ZC3H14: variants seen among roughly 807,000 people sequenced by gnomAD.
ZC3H14 encodes the protein zinc finger CCCH-type containing 14.
ZC3H14 carries 31 observed loss-of-function variants against 92.4 expected under a neutral mutation model. That is an observed-to-expected ratio of 0.34 (90% CI 0.25 to 0.45). The LOEUF is 0.45. Ranked by LOEUF, ZC3H14 falls within the 20% of genes least tolerant of loss-of-function variation. ZC3H14 has a pLI of 1.00. For missense variants in ZC3H14, 781 were observed against 897.3 expected (o/e 0.87, Z 1.66); for synonymous variants, 321 against 300.9 (o/e 1.07, Z -0.69).
At chr14:88,595,141 G>A (rs1274091140) in intron 9 of ZC3H14, 1 of 1,601,300 alleles carries the variant, frequency 6.2e-7, no homozygotes, top group Non-Finnish European at 8.5e-7. Context: ...TATGTTCTAG[G>A]TACCCATCCT....
At position 88,616,440 on chromosome 14, in the gene ZC3H14, T is replaced by C; in HGVS notation, c.*4689T>C. The C allele has an allele frequency of 1.6e-6, 1 of 620,178 alleles. No individual in the cohort carries two copies. Among genetic ancestry groups the C allele is most frequent in the Non-Finnish European group, 2.8e-6 (1 of 357,740 alleles). The allele number at this position is 620,178 out of a possible 1,614,324, so 38.4% of individuals were successfully genotyped here. A position where few individuals can be genotyped will look rare whatever the true frequency, so the allele number is the denominator to read the frequency against. The stretch of plus-strand genomic sequence containing the variant: ...GTGTGGGCAGTCAGATGTCTCCAGG[T>C]ACTCTGACCATTTTTCTCTAAGGAA... On this transcript the variant is annotated 3_prime_UTR_variant, in exon 17 of 17. Transcript: ENST00000251038.
At position 88,624,127 on chromosome 14, in the gene ZC3H14, G is replaced by A. The variant is rs186883379; in HGVS notation, c.*12376G>A. On this transcript the variant is annotated 3_prime_UTR_variant, in exon 17 of 17. Transcript: ENST00000251038. ...GTCTCACTCTGTCACCCAGGCTGGA[G>A]TGCAGTGGCACCATCACAGCTCACT... is the stretch of plus-strand genomic sequence containing the variant. 460 of 152,364 alleles carry A rather than the reference G, an allele frequency of 3.0e-3. 7 individuals are homozygous for A. The highest frequency in any genetic ancestry group is 0.011 in the African/African-American group (453 of 41,496). 9.4% of individuals were successfully genotyped at this position (152,364 alleles called of 1,614,324 possible).
At chr14:88,574,161 G>A (rs1420136911) in intron 6 of ZC3H14, 2 of 154,028 alleles carry the variant, frequency 1.3e-5, no homozygotes, top group Non-Finnish European at 2.9e-5. Context: ...ACTATATGCA[G>A]CTGTTGATAA....
chr14:88,575,658 G>A (rs932863660), intron 7 of ZC3H14, among the ~76,000 whole-genome samples, 182 bp from the exon 8 acceptor site: 2 of 152,018 alleles, frequency 1.3e-5, no homozygotes. Flanking sequence ...TCCATCCTGG[G>A]TGAGAGAGTA....
Position 88,625,177 on chromosome 14 carries a change from G to C in ZC3H14, c.*13426G>C, listed in dbSNP as rs1241363421. 2 of 1,592,610 alleles carry C rather than the reference G, an allele frequency of 1.3e-6. No individual in the cohort carries two copies. Among genetic ancestry groups the C allele is most frequent in the East Asian group, 2.2e-5 (1 of 44,650 alleles). On this transcript the variant is annotated 3_prime_UTR_variant, in exon 17 of 17. Transcript: ENST00000251038. Reference sequence around the variant, plus strand: ...GACAAACTCATCAAAAGTTCAAATAGAGTTTAAATAGATAATTTTCTATGT... The same window carrying C: ...GACAAACTCATCAAAAGTTCAAATACAGTTTAAATAGATAATTTTCTATGT...
rs770289863 is a variant in ZC3H14, at chr14:88,618,736, G to A, written c.*6985G>A. The A allele has an allele frequency of 7.5e-6, 12 of 1,607,886 alleles. No individual in the cohort carries two copies. Among genetic ancestry groups the A allele is most frequent in the Non-Finnish European group, 1.0e-5 (12 of 1,176,880 alleles). ...CAGTAGCTGATTCTGTTAAGAGTGG[G>A]GCCCAGCGTTAGGTCATAAAAATCC... On this transcript the variant is annotated 3_prime_UTR_variant, in exon 17 of 17. Transcript: ENST00000251038.
At chr14:88,593,829 C>G (rs1418165935) in intron 9 of ZC3H14, among the ~76,000 whole-genome samples, 1 of 150,880 alleles carries the variant, frequency 6.6e-6, no homozygotes, top group Non-Finnish European at 1.5e-5. Flanking sequence ...CACAAGCAAC[C>G]AAAGGAAAAA....
chr14:88,616,492 A>G lies in ZC3H14; in HGVS notation c.*4741A>G, dbSNP rs2087639442. Reference sequence around the variant, plus strand: ...AGCATTTGAAATTTGATAACTGATTATAGGTTTGGTGAAAAGCTAATTACA... The same window carrying G: ...AGCATTTGAAATTTGATAACTGATTGTAGGTTTGGTGAAAAGCTAATTACA... On this transcript the variant is annotated 3_prime_UTR_variant, in exon 17 of 17. Coordinates refer to ENST00000251038, the MANE Select transcript of ZC3H14 (RefSeq NM_024824.5). 5.0e-6 allele frequency: 3 copies of G among 604,378 alleles called. No homozygotes were observed. Among genetic ancestry groups the G allele is most frequent in the Non-Finnish European group, 2.9e-6 (1 of 349,954 alleles). 37.4% of individuals were successfully genotyped at this position (604,378 alleles called of 1,614,324 possible).
In ZC3H14 at chr14:88,616,461, A is replaced by C. The variant is rs1447103404; in HGVS notation, c.*4710A>C. 1 of 612,376 alleles carries C rather than the reference A, an allele frequency of 1.6e-6. No individual in the cohort carries two copies. Among genetic ancestry groups the C allele is most frequent in the Non-Finnish European group, 2.8e-6 (1 of 355,014 alleles). The allele number at this position is 612,376 out of a possible 1,614,324, so 37.9% of individuals were successfully genotyped here. A position where few individuals can be genotyped will look rare whatever the true frequency, so the allele number is the denominator to read the frequency against. ...CAGGTACTCTGACCATTTTTCTCTA[A>C]GGAAAAGCATTTGAAATTTGATAAC... On this transcript the variant is annotated 3_prime_UTR_variant, in exon 17 of 17. Coordinates refer to ENST00000251038, the MANE Select transcript of ZC3H14 (RefSeq NM_024824.5).
In ZC3H14 at chr14:88,618,209, T is replaced by A; in HGVS notation, c.*6458T>A. On this transcript the variant is annotated 3_prime_UTR_variant, in exon 17 of 17. Transcript: ENST00000251038. ...GCCTTCAAAGTCAGTTCTTGCCTTG[T>A]GAATATATAAGTATTTACCTAGTCC... is the stretch of plus-strand genomic sequence containing the variant. 6.2e-7 allele frequency: 1 copy of A among 1,606,586 alleles called. No individual in the cohort carries two copies. The highest frequency in any genetic ancestry group is 8.5e-7 in the Non-Finnish European group (1 of 1,174,082).
Position 88,623,393 on chromosome 14 carries a change from T to C in ZC3H14, c.*11642T>C, listed in dbSNP as rs1008983518. 6.6e-6 allele frequency: 1 copy of C among 152,048 alleles called. No individual in the cohort carries two copies. Among genetic ancestry groups the C allele is most frequent in the Non-Finnish European group, 1.5e-5 (1 of 68,006 alleles). The allele number at this position is 152,048 out of a possible 1,614,324, so 9.4% of individuals were successfully genotyped here. A position where few individuals can be genotyped will look rare whatever the true frequency, so the allele number is the denominator to read the frequency against. ...ATAATGGAAATGTAAGGCAAAATAATAGAATTACAAATGCTATGCTACAGA... is the reference window on the plus strand; with the variant it reads ...ATAATGGAAATGTAAGGCAAAATAACAGAATTACAAATGCTATGCTACAGA... On this transcript the variant is annotated 3_prime_UTR_variant, in exon 17 of 17. Transcript: ENST00000251038.
At position 88,623,943 on chromosome 14, in the gene ZC3H14, A is replaced by G. The variant is rs1399991268; in HGVS notation, c.*12192A>G. 6.6e-6 allele frequency: 1 copy of G among 152,242 alleles called. No homozygotes were observed. Among genetic ancestry groups the G allele is most frequent in the African/African-American group, 2.4e-5 (1 of 41,470 alleles). 9.4% of individuals were successfully genotyped at this position (152,242 alleles called of 1,614,324 possible). Reference sequence around the variant, plus strand: ...CTGCTAGATGAATTGCTTGTCTGAAAGCATGCCTATGTGCATTCTTCCTTT... The same window carrying G: ...CTGCTAGATGAATTGCTTGTCTGAAGGCATGCCTATGTGCATTCTTCCTTT... On this transcript the variant is annotated 3_prime_UTR_variant, in exon 17 of 17. Coordinates refer to ENST00000251038, the MANE Select transcript of ZC3H14 (RefSeq NM_024824.5).
intron 16 of ZC3H14, among the ~76,000 whole-genome samples, chr14:88,611,345 G>A (rs776943615): frequency 2.0e-5 from 3 of 151,914 alleles, no homozygotes; most frequent in Non-Finnish European, 4.4e-5. Context: ...TCCTTCCACC[G>A]TGGCCTTCCA....
In ZC3H14 at chr14:88,614,866, T is replaced by G. The variant is rs1055822601; in HGVS notation, c.*3115T>G. 6.6e-6 allele frequency: 1 copy of G among 152,180 alleles called. No individual in the cohort carries two copies. Among genetic ancestry groups the G allele is most frequent in the African/African-American group, 2.4e-5 (1 of 41,464 alleles). 9.4% of individuals were successfully genotyped at this position (152,180 alleles called of 1,614,324 possible). On this transcript the variant is annotated 3_prime_UTR_variant, in exon 17 of 17. Transcript: ENST00000251038. ...CACACATCTAAACAAATTTTCCCAATAGAAAAAAGGCTATAAAAATTTTAT... is the reference window on the plus strand; with the variant it reads ...CACACATCTAAACAAATTTTCCCAAGAGAAAAAAGGCTATAAAAATTTTAT...
rs961812338 is a variant in ZC3H14, at chr14:88,594,671, T to C, written c.1280-2063T>C. The C allele has an allele frequency of 2.1e-5, 34 of 1,612,082 alleles. No homozygotes were observed. The East Asian group carries it at 4.2e-4, about 20-fold the overall frequency. ...TTAATGAGCTGTGAAGAAAAAATTA[T>C]CAGATTTTAAGGGAGAGAATTTTAT... is the stretch of plus-strand genomic sequence containing the variant. On this transcript the variant is annotated intron_variant, in intron 9 of 16. Coordinates refer to ENST00000251038, the MANE Select transcript of ZC3H14 (RefSeq NM_024824.5).
intron 10 of ZC3H14, among the ~76,000 whole-genome samples, chr14:88,597,622 T>C (rs1473772541): frequency 6.6e-6 from 1 of 152,202 alleles, no homozygotes; most frequent in Non-Finnish European, 1.5e-5. Context: ...CCCACTGGGT[T>C]GGTGAGCCAC....
Position 88,615,884 on chromosome 14 carries a change from T to G in ZC3H14, c.*4133T>G, listed in dbSNP as rs1170865970. On this transcript the variant is annotated 3_prime_UTR_variant, in exon 17 of 17. Transcript: ENST00000251038. The stretch of plus-strand genomic sequence containing the variant: ...AATCAGAGAAGAAAATTGCAGGGAG[T>G]TAATTATGTTTTTAGATTTTCATAA... 2 of 1,599,306 alleles carry G rather than the reference T, an allele frequency of 1.3e-6. No individual in the cohort carries two copies. The highest frequency in any genetic ancestry group is 2.3e-5 in the South Asian group (2 of 88,138).
intron 13 of ZC3H14, chr14:88,608,816 C>T (rs78196185): frequency 1.0e-3 from 164 of 161,110 alleles, no homozygotes; most frequent in Non-Finnish European, 1.6e-3. Flanking sequence ...TTTTTTTTGC[C>T]GGGGGTAGGT....
rs1194375007 is a variant in ZC3H14 at position 88,618,841 on chromosome 14, T to C, written c.*7090T>C. On this transcript the variant is annotated 3_prime_UTR_variant, in exon 17 of 17. Transcript: ENST00000251038. Reference sequence around the variant, plus strand: ...AATCAAAACAAAACGTAAAAAGTATTAGACCACATGAAGTATTATAAATAC... The same window carrying C: ...AATCAAAACAAAACGTAAAAAGTATCAGACCACATGAAGTATTATAAATAC... 3 of 1,543,054 alleles carry C rather than the reference T, an allele frequency of 1.9e-6. No individual in the cohort carries two copies. The highest frequency in any genetic ancestry group is 1.7e-6 in the Non-Finnish European group (2 of 1,144,528).
Sources: gnomAD v4.1 joint callset for allele counts (sites outside exome capture counted in the v4.1 genomes callset) on GRCh38, gnomAD v4.1.1 for gene constraint, MANE v1.5 for transcripts, NCBI Gene and HGNC (gene_info 2026-07-23, HGNC 2026-07-21) for gene names.